Variants in CUX1 observed in about 807,000 individuals in gnomAD.
The protein encoded by CUX1 is protein CASP.
In CUX1, 31 loss-of-function variants were observed where a neutral mutation model predicts 158.8. The ratio of observed to expected loss-of-function variants is 0.20; its 90% CI spans 0.15 to 0.26. The LOEUF is 0.26. Among genes scored for constraint, CUX1 ranks in the 10% least tolerant of loss-of-function variants. The pLI, the probability that CUX1 is intolerant of heterozygous loss-of-function variation, is 1.00. For missense variants in CUX1, 1,589 were observed against 2,014.6 expected (o/e 0.79, Z 4.04); for synonymous variants, 879 against 862.1 (o/e 1.02, Z -0.34).
At chr7:102,283,098 G>A (rs1554549902) in exon 23 of CUX1, 2 of 1,612,826 alleles carry the variant, frequency 1.2e-6, no homozygotes, top group Non-Finnish European at 1.7e-6. Flanking sequence ...TGATACCCCG[G>A]GGCCTCCCCC....
chr7:102,094,523 C>T (rs1402458124), intron 4 of CUX1, among the ~76,000 whole-genome samples: 3 of 152,218 alleles, frequency 2.0e-5, no homozygotes, highest in Non-Finnish European at 4.4e-5. Flanking sequence ...CCTTGCTTAA[C>T]CGCATGGGAG....
At chr7:102,182,293 T>C (rs1037536418) in intron 11 of CUX1, among the ~76,000 whole-genome samples, 4 of 152,148 alleles carry the variant, frequency 2.6e-5, no homozygotes, top group African/African-American at 9.6e-5. Context: ...GGCAGAATCT[T>C]TTGTCCTGAG....
chr7:102,060,423 C>A (rs73185884), intron 3 of CUX1, among the ~76,000 whole-genome samples: 22,190 of 151,774 alleles, frequency 0.15, 1,683 homozygotes, highest in Middle Eastern at 0.22. Context: ...AAGGTTAGTG[C>A]TGTTGACCCG....
chr7:101,961,312 G>T (rs763485946), intron 2 of CUX1: 2 of 152,180 alleles, frequency 1.3e-5, no homozygotes, highest in Non-Finnish European at 2.9e-5. Context: ...AGGGTTTGCT[G>T]TGAGGGTTGA....
chr7:102,211,449 G>A (rs782727662), intron 20 of CUX1, among the ~76,000 whole-genome samples: 10 of 150,770 alleles, frequency 6.6e-5, no homozygotes, highest in Admixed American at 4.0e-4. Context: ...CTCTCCGCCC[G>A]CAAAAAAAGA....
rs1245619169 is a variant in CUX1 at position 101,958,939 on chromosome 7, C to T, written c.141+42714C>T. Among the ~76,000 whole-genome samples the T allele has an allele frequency of 4.8e-5, 7 of 146,220 alleles. No homozygotes were observed. In the East Asian group the frequency reaches 8.0e-4, roughly 17 times the overall value. ...GTACAGTCGTGGCTCACTGCAGCCT[C>T]GACCTCCCTGGCTTAAGCAATCCTC... On this transcript the variant is annotated intron_variant, in intron 2 of 23. Coordinates refer to ENST00000292535, the MANE Select transcript of CUX1 (RefSeq NM_181552.4).
intron 2 of CUX1, among the ~76,000 whole-genome samples, chr7:101,988,099 C>G (rs545075871): frequency 7.4e-4 from 113 of 152,226 alleles, no homozygotes; most frequent in African/African-American, 2.6e-3. Flanking sequence ...GTAATCCCAG[C>G]TACTTGGGAG....
chr7:102,275,211 C>CT, intron 16 of CUX1: 1 of 1,519,956 alleles, frequency 6.6e-7, no homozygotes, highest in Non-Finnish European at 9.0e-7. Context: ...GTTCCACCTC[C>CT]TGCCACCCCC....
chr7:102,276,405 G>A (rs562566508), intron 17 of CUX1, among the ~76,000 whole-genome samples: 3 of 152,170 alleles, frequency 2.0e-5, no homozygotes, highest in Non-Finnish European at 2.9e-5. Context: ...GGGTTCAAGC[G>A]ATTCTTCTGC....
intron 21 of CUX1, among the ~76,000 whole-genome samples, chr7:102,228,735 C>G (rs1477285165): frequency 2.0e-5 from 3 of 152,134 alleles, no homozygotes; most frequent in African/African-American, 7.2e-5. Context: ...TAGTTTTAGG[C>G]TGCAGTGAGC....
At chr7:102,068,594 C>T (rs1340685229) in intron 3 of CUX1, among the ~76,000 whole-genome samples, 1 of 152,208 alleles carries the variant, frequency 6.6e-6, no homozygotes, top group Non-Finnish European at 1.5e-5. Context: ...CATCGTCCCC[C>T]AGTTCTGAGC....
At chr7:102,080,242 G>T (rs1418281311) in intron 4 of CUX1, among the ~76,000 whole-genome samples, 2 of 152,192 alleles carry the variant, frequency 1.3e-5, no homozygotes, top group Non-Finnish European at 2.9e-5. Flanking sequence ...GTGTGCTTGC[G>T]TGGAGAGTGG....
At chr7:102,158,509 C>G in intron 8 of CUX1, 51 bp from the exon 9 acceptor site, 2 of 1,594,058 alleles carry the variant, frequency 1.3e-6, no homozygotes, top group Non-Finnish European at 1.7e-6. Context: ...CAGTCACCCC[C>G]TGAGCCGGTC....
At chr7:102,207,016 C>T (rs1305137407) in intron 20 of CUX1, among the ~76,000 whole-genome samples, 1 of 152,276 alleles carries the variant, frequency 6.6e-6, no homozygotes, top group Non-Finnish European at 1.5e-5. Flanking sequence ...TGAAGAATGA[C>T]GTTTTACTTT....
chr7:101,836,428 G>A lies in CUX1; in HGVS notation c.30+18759G>A, dbSNP rs1455896122. Among the ~76,000 whole-genome samples the A allele has an allele frequency of 2.0e-5, 3 of 152,168 alleles. No individual in the cohort carries two copies. In the East Asian group the frequency reaches 5.8e-4, roughly 30 times the overall value. ...CATCTCTACAAAAAAAATGGCTGTT[G>A]TGCAGTTTGGGATGAGAGTTGGTTG... On this transcript the variant is annotated intron_variant, in intron 1 of 23. Transcript: ENST00000292535.
intron 12 of CUX1, among the ~76,000 whole-genome samples, chr7:102,193,338 T>C (rs1427958397): frequency 6.6e-6 from 1 of 152,244 alleles, no homozygotes; most frequent in East Asian, 1.9e-4. Context: ...ATGGAATGAT[T>C]TACATGCTAG....
intron 10 of CUX1, among the ~76,000 whole-genome samples, chr7:102,177,546 C>G (rs1792523047): frequency 6.6e-6 from 1 of 152,058 alleles, no homozygotes; most frequent in African/African-American, 2.4e-5. Flanking sequence ...GGTGGAAAAT[C>G]TCGGTGGTTT....
chr7:101,886,167 C>T (rs755655232), intron 1 of CUX1, among the ~76,000 whole-genome samples: 1 of 152,042 alleles, frequency 6.6e-6, no homozygotes, highest in Non-Finnish European at 1.5e-5. Flanking sequence ...TCTCAGTGAC[C>T]CTACAGGGTC....
intron 8 of CUX1, among the ~76,000 whole-genome samples, chr7:102,121,601 C>G (rs1361845236): frequency 6.6e-6 from 1 of 152,138 alleles, no homozygotes; most frequent in Non-Finnish European, 1.5e-5. Context: ...CCGCCTTGGC[C>G]TCCTGAAGTG....
Sources: allele counts gnomAD v4.1 joint callset (sites outside exome capture counted in the v4.1 genomes callset), GRCh38; gene constraint gnomAD v4.1.1; transcripts MANE v1.5; gene names NCBI Gene and HGNC (gene_info 2026-07-23, HGNC 2026-07-21).